MAP3K13: variants seen among roughly 807,000 people sequenced by gnomAD.
MAP3K13 encodes the protein mitogen-activated protein kinase kinase kinase 13, also known as leucine zipper-bearing kinase.
Under a neutral mutation model 104.0 loss-of-function variants are expected in MAP3K13, and 52 were observed. That is an observed-to-expected ratio of 0.50 (90% confidence interval 0.40 to 0.63). The LOEUF is 0.63. Among genes scored for constraint, MAP3K13 ranks in the 20% least tolerant of loss-of-function variants. The pLI is 0.00. For missense variants in MAP3K13, 914 were observed against 1,218.5 expected, an observed-to-expected ratio of 0.75 and a Z score of 3.72; for synonymous variants, 394 against 442.2, an observed-to-expected ratio of 0.89 and a Z score of 1.37.
chr3:185,355,022 T>G (rs939148994), intron 2 of MAP3K13, among the ~76,000 whole-genome samples: 2 of 152,156 alleles, frequency 1.3e-5, no homozygotes, highest in Admixed American at 6.5e-5. Context: ...TTCTCACAAG[T>G]AAAATGGAAC....
At chr3:185,387,231 G>T (rs1457585329) in intron 1 of MAP3K13, among the ~76,000 whole-genome samples, 3 of 152,126 alleles carry the variant, frequency 2.0e-5, no homozygotes, top group Non-Finnish European at 4.4e-5. Flanking sequence ...GGAGATGTTT[G>T]GGTCATGGGG....
chr3:185,446,739 A>C (rs145728588), intron 4 of MAP3K13, among the ~76,000 whole-genome samples: 1 of 152,336 alleles, frequency 6.6e-6, no homozygotes, highest in East Asian at 1.9e-4. Flanking sequence ...TGAATCCCAA[A>C]CATCATGGTC....
chr3:185,399,432 G>T (rs1369688962), intron 1 of MAP3K13, among the ~76,000 whole-genome samples: 1 of 151,482 alleles, frequency 6.6e-6, no homozygotes, highest in Non-Finnish European at 1.5e-5. Flanking sequence ...GTGAAACTCC[G>T]TCTCTACTAA....
intron 2 of MAP3K13, among the ~76,000 whole-genome samples, chr3:185,299,367 G>A (rs182149825): frequency 6.6e-6 from 1 of 152,306 alleles, no homozygotes; most frequent in East Asian, 1.9e-4. Flanking sequence ...TCAGAATAAC[G>A]GGAAGCCCCA....
In MAP3K13 at chr3:185,482,513, C is replaced by A. The variant is rs746374610; in HGVS notation, c.*57C>A. ...CTATACTGGCATTTCAGATCCACCC[C>A]ACCCCCAGACTCATCCCACTCTCTC... On this transcript the variant is annotated 3_prime_UTR_variant, in exon 14 of 14. Coordinates refer to ENST00000265026, the MANE Select transcript of MAP3K13 (RefSeq NM_004721.5). This position sits in a 1 kb window ranked among gnomAD's most constrained non-coding sequence, Gnocchi z 4.5. The A allele has an allele frequency of 3.2e-5, 40 of 1,264,748 alleles. No homozygotes were observed. The highest frequency in any genetic ancestry group is 3.8e-5 in the Non-Finnish European group (33 of 868,372). The allele number at this position is 1,264,748 out of a possible 1,614,324, so 78.3% of individuals were successfully genotyped here.
At chr3:185,430,603 T>C (rs76827458) in intron 2 of MAP3K13, among the ~76,000 whole-genome samples, 7,013 of 152,298 alleles carry the variant, frequency 0.046, 190 homozygotes, top group African/African-American at 0.058. Context: ...CCTCTGACTC[T>C]GTCCATGTCC....
intron 1 of MAP3K13, among the ~76,000 whole-genome samples, chr3:185,410,328 A>G (rs1160577832): frequency 3.3e-5 from 5 of 152,184 alleles, no homozygotes; most frequent in African/African-American, 1.2e-4. Context: ...AGAGCAGAAC[A>G]GAGGATTCTA....
At chr3:185,425,594 T>C (rs1444669378) in intron 1 of MAP3K13, among the ~76,000 whole-genome samples, 1 of 152,216 alleles carries the variant, frequency 6.6e-6, no homozygotes, top group Non-Finnish European at 1.5e-5. Flanking sequence ...TTTTAATTTA[T>C]CTGACCAGAT....
intron 1 of MAP3K13, among the ~76,000 whole-genome samples, chr3:185,415,532 T>C (rs1196989424): frequency 6.6e-6 from 1 of 151,456 alleles, no homozygotes; most frequent in African/African-American, 2.4e-5. Context: ...AATGAAATCA[T>C]CTCCTAATTT....
intron 1 of MAP3K13, among the ~76,000 whole-genome samples, chr3:185,388,014 A>T (rs1711797024): frequency 6.6e-6 from 1 of 152,118 alleles, no homozygotes. Context: ...TTAGGTGGTT[A>T]AAAAAGTTTA....
At chr3:185,465,985 T>C in intron 9 of MAP3K13, 122 bp downstream of exon 9, 1 of 761,528 alleles carries the variant, frequency 1.3e-6, no homozygotes, top group Non-Finnish European at 2.2e-6. Context: ...CACCCAACAT[T>C]CCTTCCGGGA....
chr3:185,435,526 G>A (rs947170590), intron 2 of MAP3K13, among the ~76,000 whole-genome samples: 2 of 152,110 alleles, frequency 1.3e-5, no homozygotes, highest in Non-Finnish European at 2.9e-5. Context: ...ATCTCACTTG[G>A]TATCATGTGT....
Position 185,418,847 on chromosome 3 carries a change from T to A in MAP3K13, c.-85-9650T>A. ...GCCACAGGAAAAGCATGTTCTTGTC[T>A]TTTCATCTGTTTTGGGTTTCAGTTC... On this transcript the variant is annotated intron_variant, in intron 1 of 13. Transcript: ENST00000265026. The surrounding 1 kb of genome is among the most constrained non-coding windows in gnomAD (Gnocchi z 4.5). The A allele has an allele frequency of 6.8e-7, 1 of 1,472,912 alleles. No individual in the cohort carries two copies. The highest frequency in any genetic ancestry group is 9.1e-7 in the Non-Finnish European group (1 of 1,093,328). 91.2% of individuals were successfully genotyped at this position (1,472,912 alleles called of 1,614,324 possible). A position where few individuals can be genotyped will look rare whatever the true frequency, so the allele number is the denominator to read the frequency against.
chr3:185,392,885 T>TA (rs946395124), intron 1 of MAP3K13, among the ~76,000 whole-genome samples: 8 of 150,030 alleles, frequency 5.3e-5, no homozygotes, highest in South Asian at 2.1e-4. Flanking sequence ...CCTGTCTCTA[T>TA]AAAAAAAAAT....
intron 2 of MAP3K13, among the ~76,000 whole-genome samples, chr3:185,329,753 A>G (rs1722176514): frequency 6.6e-6 from 1 of 152,234 alleles, no homozygotes; most frequent in Non-Finnish European, 1.5e-5. Flanking sequence ...TAATGCAGCC[A>G]TGAGAATGTT....
At chr3:185,375,996 C>T (rs948305861) in intron 1 of MAP3K13, among the ~76,000 whole-genome samples, 7 of 152,200 alleles carry the variant, frequency 4.6e-5, no homozygotes, top group East Asian at 1.9e-4. Context: ...GGGGGCAGAG[C>T]GGTAGCCTGA....
intron 2 of MAP3K13, among the ~76,000 whole-genome samples, chr3:185,354,243 A>T (rs935074433): frequency 6.6e-6 from 1 of 151,616 alleles, no homozygotes; most frequent in Middle Eastern, 3.4e-3. Flanking sequence ...GGGACAGGAC[A>T]TATCTATCTG....
chr3:185,345,013 C>T (rs1722864937), intron 2 of MAP3K13, among the ~76,000 whole-genome samples: 2 of 152,058 alleles, frequency 1.3e-5, no homozygotes, highest in African/African-American at 4.8e-5. Context: ...CAGGCATGCG[C>T]CACCATGCCC....
intron 1 of MAP3K13, among the ~76,000 whole-genome samples, chr3:185,367,856 A>C (rs73052892): frequency 0.016 from 2,381 of 152,312 alleles, 64 homozygotes; most frequent in African/African-American, 0.052. Flanking sequence ...TTGGCCTTCC[A>C]CAATGTTGTA....
Sources: gnomAD v4.1 joint callset for allele counts (sites outside exome capture counted in the v4.1 genomes callset) on GRCh38, gnomAD v4.1.1 for gene constraint, Gnocchi (gnomAD v3.1) non-coding constraint, MANE v1.5 for transcripts, NCBI Gene and HGNC (gene_info 2026-07-23, HGNC 2026-07-21) for gene names.